Variants in BDP1 observed in about 807,000 individuals in gnomAD.
BDP1 encodes the protein transcription factor TFIIIB component B'' homolog.
A neutral mutation model predicts 266.6 loss-of-function variants in BDP1; 169 were observed. The observed-to-expected ratio is 0.63, with a 90% CI of 0.56 to 0.72. The LOEUF is 0.72. Ranked by LOEUF, BDP1 falls within the 30% of genes least tolerant of loss-of-function variation. The pLI is 0.00. For missense variants in BDP1, 3,015 were observed against 3,053.8 expected, an observed-to-expected ratio of 0.99 and a Z score of 0.30; for synonymous variants, 1,090 against 1,022.4, an observed-to-expected ratio of 1.07 and a Z score of -1.26.
downstream of BDP1, among the ~76,000 whole-genome samples, chr5:71,569,512 C>T (rs374557268): frequency 1.4e-4 from 21 of 151,970 alleles, 1 homozygote; most frequent in East Asian, 3.9e-4. Context: ...TTTGGGAGGC[C>T]GAGATGGGAG....
Position 71,545,238 on chromosome 5 carries a change from T to A in BDP1, c.6744+19T>A. On this transcript the variant is annotated intron_variant, in intron 32 of 38. Coordinates refer to ENST00000358731, the MANE Select transcript of BDP1 (RefSeq NM_018429.3). The stretch of plus-strand genomic sequence containing the variant: ...GCCAGAGGTAAAAGAATGTACAGTA[T>A]AATAAGGGATAGCAAGGTGTTTTCC... 6.3e-7 allele frequency: 1 copy of A among 1,595,264 alleles called. No individual in the cohort carries two copies. Among genetic ancestry groups the A allele is most frequent in the South Asian group, 1.1e-5 (1 of 87,592 alleles).
At chr5:71,457,603 G>A (rs1007315116) in intron 1 of BDP1, among the ~76,000 whole-genome samples, 1 of 152,028 alleles carries the variant, frequency 6.6e-6, no homozygotes, top group Non-Finnish European at 1.5e-5. Context: ...GTGAGCCACC[G>A]TGCCCAGCCT....
chr5:71,467,302 ATTTG>A (rs1761962512), intron 5 of BDP1, 48 bp from the exon 6 acceptor site: 11 of 1,424,616 alleles, frequency 7.7e-6, no homozygotes, highest in Admixed American at 1.9e-5. Flanking sequence ...CTCATTTGCT[ATTTG>A]TTTCCTTGTT....
rs369964684 is a variant in BDP1 at position 71,512,241 on chromosome 5, A to T, written c.4060A>T (p.Asn1354Tyr). Residue 1354 changes from asparagine to tyrosine, a missense_variant and splice_region_variant, in exon 18 of 39, where the codon AAC (asparagine) becomes TAC (tyrosine). By Grantham distance (143) the Asn-to-Tyr change is moderately radical. Transcript: ENST00000358731. ...TGATTTACTATGACTGTTCCTCTAG[A>T]ACATTAGCAGTGAAGTACTGTCGAT... ...FSAVPSLDIQ[N>Y]ISSEVLSMMH... 4.1e-5 allele frequency: 60 copies of T among 1,459,252 alleles called. No homozygotes were observed. In the African/African-American group the frequency reaches 6.1e-4, roughly 15 times the overall value. 90.4% of individuals were successfully genotyped at this position (1,459,252 alleles called of 1,614,324 possible).
intron 20 of BDP1, among the ~76,000 whole-genome samples, chr5:71,515,638 A>G (rs1056884580): frequency 3.9e-5 from 6 of 152,228 alleles, no homozygotes; most frequent in African/African-American, 1.4e-4. Context: ...TAGTATACAC[A>G]TAAGATAAAA....
intron 4 of BDP1, among the ~76,000 whole-genome samples, chr5:71,465,047 T>C (rs1464735048): frequency 6.6e-6 from 1 of 151,944 alleles, no homozygotes; most frequent in Non-Finnish European, 1.5e-5. Flanking sequence ...GAGTTTTTTT[T>C]CATAGAGATA....
At chr5:71,551,263 T>C (rs1464663607) in intron 34 of BDP1, among the ~76,000 whole-genome samples, 2 of 152,164 alleles carry the variant, frequency 1.3e-5, no homozygotes, top group African/African-American at 4.8e-5. Context: ...CCTGCGGCCT[T>C]CCGCTGTTTT....
intron 4 of BDP1, among the ~76,000 whole-genome samples, chr5:71,464,439 G>T (rs1240309317): frequency 6.6e-6 from 1 of 152,092 alleles, no homozygotes; most frequent in African/African-American, 2.4e-5. Flanking sequence ...AGGCTGTAGT[G>T]AACTATGATC....
At chr5:71,488,027 A>C (rs907242347) in intron 9 of BDP1, among the ~76,000 whole-genome samples, 1 of 152,156 alleles carries the variant, frequency 6.6e-6, no homozygotes, top group East Asian at 1.9e-4. Flanking sequence ...CTTTATTCTT[A>C]GTAGTCTTTT....
intron 7 of BDP1, among the ~76,000 whole-genome samples, chr5:71,475,119 C>G (rs898569232): frequency 6.6e-6 from 1 of 152,002 alleles, no homozygotes; most frequent in Non-Finnish European, 1.5e-5. Context: ...GAGCCTCGCT[C>G]TGTTACACAG....
At chr5:71,498,959 A>G (rs530139553) in intron 13 of BDP1, among the ~76,000 whole-genome samples, 16 of 151,602 alleles carry the variant, frequency 1.1e-4, no homozygotes, top group South Asian at 4.2e-4. Context: ...CCTGACCTCA[A>G]GTGATCCGTG....
intron 9 of BDP1, among the ~76,000 whole-genome samples, chr5:71,489,054 G>T (rs545411185): frequency 5.8e-4 from 88 of 152,248 alleles, no homozygotes; most frequent in Middle Eastern, 6.8e-3. Context: ...CTTATGATGG[G>T]TTTATTGGGA....
intron 22 of BDP1, among the ~76,000 whole-genome samples, chr5:71,521,960 CTT>C (rs71931322): frequency 2.1e-5 from 3 of 144,946 alleles, no homozygotes; most frequent in Non-Finnish European, 3.0e-5. Context: ...AGCTACTTGC[CTT>C]TTTTTTTTTG....
chr5:71,458,522 C>T, intron 1 of BDP1, 57 bp from the exon 2 acceptor site: 1 of 1,307,970 alleles, frequency 7.6e-7, no homozygotes, highest in East Asian at 2.4e-5. Flanking sequence ...GGTTTTAAAA[C>T]TAGCATGTGT....
intron 36 of BDP1, among the ~76,000 whole-genome samples, chr5:71,557,653 T>C (rs1452016682): frequency 3.9e-5 from 3 of 76,376 alleles, no homozygotes; most frequent in Non-Finnish European, 6.3e-5. Context: ...TTGTGTTTTT[T>C]GTAGAGACAG....
rs368105470 is a variant in BDP1 at position 71,557,294 on chromosome 5, C to A, written c.7240+369C>A. 2.6e-5 allele frequency among the ~76,000 whole-genome samples: 4 copies of A among 151,958 alleles called. No individual in the cohort carries two copies. The East Asian group carries it at 7.7e-4, about 29-fold the overall frequency. On this transcript the variant is annotated intron_variant, in intron 36 of 38. Coordinates refer to ENST00000358731, the MANE Select transcript of BDP1 (RefSeq NM_018429.3). ...CACAATCACAGCTCACTGCAGCCTCCACCTCCCAGGCTCAAGCAATCCTCC... is the reference window on the plus strand; with the variant it reads ...CACAATCACAGCTCACTGCAGCCTCAACCTCCCAGGCTCAAGCAATCCTCC...
intron 24 of BDP1, 59 bp from the exon 25 acceptor site, chr5:71,523,880 T>A: frequency 6.8e-7 from 1 of 1,478,866 alleles, no homozygotes; most frequent in African/African-American, 1.4e-5. Flanking sequence ...AAGTTTGGTT[T>A]TCATTAAAAT....
In BDP1 at chr5:71,495,239, CT is replaced by C. The variant is rs201462177; in HGVS notation, c.1641-3del. 68 of 1,494,024 alleles carry C rather than the reference CT, an allele frequency of 4.6e-5. No homozygotes were observed. The highest frequency in any genetic ancestry group is 1.6e-4 in the South Asian group (11 of 69,946). The allele number at this position is 1,494,024 out of a possible 1,614,324, so 92.5% of individuals were successfully genotyped here. On this transcript the variant is annotated splice_polypyrimidine_tract_variant and intron_variant, in intron 11 of 38. Transcript: ENST00000358731. ...AATTCTTTTCTCTCTGAAATATTTT[CT>C]TTTTTTTAGTAATCAACAAGATGCC... is the stretch of plus-strand genomic sequence containing the variant.
At position 71,466,169 on chromosome 5, in the gene BDP1, G is replaced by T; in HGVS notation, c.733G>T (p.Val245Phe). 3 of 1,614,038 alleles carry T rather than the reference G, an allele frequency of 1.9e-6. No homozygotes were observed. The highest frequency in any genetic ancestry group is 2.5e-6 in the Non-Finnish European group (3 of 1,179,964). The change falls in exon 5 of 39, where the codon GTT becomes TTT. Residue 245 changes from valine (V) to phenylalanine (F), a missense_variant. Coordinates refer to ENST00000358731, the MANE Select transcript of BDP1 (RefSeq NM_018429.3). ...AGAGACAGATGATGGGCCATTACTG[G>T]TTCCTCGAGTAAAAGTGGCAGAAGA... ...EEETDDGPLL[V>F]PRVKVAEDGS...
Sources: allele counts gnomAD v4.1 joint callset (sites outside exome capture counted in the v4.1 genomes callset), GRCh38; gene constraint gnomAD v4.1.1; transcripts MANE v1.5; gene names NCBI Gene and HGNC (gene_info 2026-07-23, HGNC 2026-07-21).